Variants in BCAS3 observed in about 807,000 individuals in gnomAD.
The protein encoded by BCAS3 is BCAS3 microtubule associated cell migration factor.
In BCAS3, 53 loss-of-function variants were observed where a neutral mutation model predicts 116.1. That is an observed-to-expected ratio of 0.46 (90% CI 0.37 to 0.57). BCAS3 has a LOEUF of 0.57. Among genes scored for constraint, BCAS3 ranks in the 20% least tolerant of loss-of-function variants. The pLI is 0.00. For synonymous variants in BCAS3, 391 were observed against 408.2 expected, an observed-to-expected ratio of 0.96 and a Z score of 0.51; for missense variants, 917 against 1,165.4, an observed-to-expected ratio of 0.79 and a Z score of 3.10.
chr17:60,932,742 C>CAAAAAAAAAAAAAA (rs1167994825), intron 13 of BCAS3, among the ~76,000 whole-genome samples: 1 of 38,204 alleles, frequency 2.6e-5, no homozygotes, highest in Non-Finnish European at 6.3e-5. Context: ...ACTCTTGTCT[C>CAAAAAAAAAAAAAA]AAAAAAAAAA....
At chr17:61,010,508 A>C (rs1331298065) in intron 15 of BCAS3, among the ~76,000 whole-genome samples, 1 of 151,882 alleles carries the variant, frequency 6.6e-6, no homozygotes, top group African/African-American at 2.4e-5. Context: ...TTTAAATTGC[A>C]AACTTTTAGA....
At chr17:61,318,616 C>G (rs769730748) in intron 22 of BCAS3, among the ~76,000 whole-genome samples, 4 of 152,322 alleles carry the variant, frequency 2.6e-5, no homozygotes, top group African/African-American at 9.6e-5. Context: ...TTTCTCCCCA[C>G]CCTGCAGTGA....
At position 61,388,638 on chromosome 17, in the gene BCAS3, AAAC is replaced by A. The variant is rs779158863; in HGVS notation, c.2594-3336_2594-3334del. 2.0e-5 allele frequency: 30 copies of A among 1,537,522 alleles called. No homozygotes were observed. The African/African-American group carries it at 4.0e-4, about 20-fold the overall frequency. On this transcript the variant is annotated intron_variant, in intron 23 of 23. Transcript: ENST00000407086. This position sits in a 1 kb window ranked among gnomAD's most constrained non-coding sequence, Gnocchi z 6.5. ...AAAAGGGAAAAAAAAAGGAAAAAAA[AAAC>A]AATGCCAACAGCCCAGCGTCCGTGA...
At chr17:60,925,766 A>G (rs774062737) in intron 13 of BCAS3, among the ~76,000 whole-genome samples, 3 of 152,054 alleles carry the variant, frequency 2.0e-5, no homozygotes, top group Non-Finnish European at 2.9e-5. Flanking sequence ...AGTTGGTGTA[A>G]TACTTCCAGT....
chr17:60,877,173 GATATAT>G (rs10538503), intron 9 of BCAS3, among the ~76,000 whole-genome samples: 3 of 147,370 alleles, frequency 2.0e-5, no homozygotes, highest in Non-Finnish European at 4.5e-5. Context: ...TTTAAGAAAT[GATATAT>G]ATATATATAT....
chr17:60,690,617 AT>A (rs2034681421), intron 4 of BCAS3, among the ~76,000 whole-genome samples: 1 of 150,306 alleles, frequency 6.7e-6, no homozygotes, highest in South Asian at 2.1e-4. Flanking sequence ...ATAAAAAAAA[AT>A]CATTTATAAA....
In BCAS3 at chr17:61,380,241, C is replaced by G. The variant is rs971730933; in HGVS notation, c.2594-11736C>G. 1 of 507,164 alleles carries G rather than the reference C, an allele frequency of 2.0e-6. No individual in the cohort carries two copies. Among genetic ancestry groups the G allele is most frequent in the African/African-American group, 1.9e-5 (1 of 51,824 alleles). The allele number at this position is 507,164 out of a possible 1,614,324, so 31.4% of individuals were successfully genotyped here. A position where few individuals can be genotyped will look rare whatever the true frequency, so the allele number is the denominator to read the frequency against. On this transcript the variant is annotated intron_variant, in intron 23 of 23. Coordinates refer to ENST00000407086, the MANE Select transcript of BCAS3 (RefSeq NM_017679.5). This position sits in a 1 kb window ranked among gnomAD's most constrained non-coding sequence, Gnocchi z 4.2. Reference sequence around the variant, plus strand: ...TCTCTACATCATTCCCTACCCCAGCCCTGTGCAGCAGGCAGGAGTGTAGGA... The same window carrying G: ...TCTCTACATCATTCCCTACCCCAGCGCTGTGCAGCAGGCAGGAGTGTAGGA...
chr17:60,718,886 G>A (rs1046591532), intron 5 of BCAS3, among the ~76,000 whole-genome samples: 2 of 151,832 alleles, frequency 1.3e-5, no homozygotes, highest in Admixed American at 6.6e-5. Flanking sequence ...ATGGTGAAAC[G>A]CAGTCTCTAC....
intron 5 of BCAS3, among the ~76,000 whole-genome samples, chr17:60,739,315 A>G (rs1320524685): frequency 1.3e-5 from 2 of 152,220 alleles, no homozygotes; most frequent in Admixed American, 6.5e-5. Flanking sequence ...CTGTAAAAAA[A>G]TCAGTAAGAA....
intron 22 of BCAS3, among the ~76,000 whole-genome samples, chr17:61,163,507 T>C (rs1748310095): frequency 6.6e-6 from 1 of 151,978 alleles, no homozygotes; most frequent in African/African-American, 2.4e-5. Flanking sequence ...GATGGGATGG[T>C]TTCTATTCTC....
Position 60,947,249 on chromosome 17 carries a change from G to A in BCAS3, c.1118G>A (p.Gly373Asp). ...GMLLVTTDTLGHDFHVFQILT... is the reference protein window; with the variant it reads ...GMLLVTTDTLDHDFHVFQILT... Reference sequence around the variant, plus strand: ...CTTCTAGTCACAACAGACACCCTTGGCCATGACTTTCATGTCTTCCAAATT... The same window carrying A: ...CTTCTAGTCACAACAGACACCCTTGACCATGACTTTCATGTCTTCCAAATT... The change falls in exon 14 of 24, where the codon GGC (glycine) becomes GAC (aspartate). Residue 373 changes from glycine (G) to aspartate (D), a missense_variant. Physicochemically the swap from Gly to Asp is moderately conservative, Grantham distance 94. Around this residue, in one of 3 missense-constraint regions of BCAS3, gnomAD observed 807 missense variants for 1,026.0 expected, o/e 0.79. Transcript: ENST00000407086. 6.2e-7 allele frequency: 1 copy of A among 1,612,802 alleles called. No individual in the cohort carries two copies. The highest frequency in any genetic ancestry group is 8.5e-7 in the Non-Finnish European group (1 of 1,179,172).
At chr17:60,817,855 A>AAT (rs2049572427) in intron 7 of BCAS3, among the ~76,000 whole-genome samples, 1 of 143,360 alleles carries the variant, frequency 7.0e-6, no homozygotes, top group South Asian at 2.2e-4. Flanking sequence ...AAGCAAAATA[A>AAT]TTTTTTTTTT....
intron 5 of BCAS3, among the ~76,000 whole-genome samples, chr17:60,724,543 G>T (rs1417874929): frequency 6.6e-6 from 1 of 151,440 alleles, no homozygotes; most frequent in African/African-American, 2.4e-5. Context: ...TGGCCAACAC[G>T]GTGAAACCCC....
chr17:61,009,571 A>G lies in BCAS3; in HGVS notation c.1487-6180A>G, dbSNP rs868686942. ...CTGATTTTATGTCCTTTGGTTCACAATATGGTAAGATATGGAAATTTTTTA... is the reference window on the plus strand; with the variant it reads ...CTGATTTTATGTCCTTTGGTTCACAGTATGGTAAGATATGGAAATTTTTTA... On this transcript the variant is annotated intron_variant, in intron 15 of 23. Transcript: ENST00000407086. Among the ~76,000 whole-genome samples, 5 of 152,060 alleles carry G rather than the reference A, an allele frequency of 3.3e-5. No individual in the cohort carries two copies. In the East Asian group the frequency reaches 5.8e-4, roughly 18 times the overall value.
At chr17:60,921,612 C>CAAAAA (rs755864096) in intron 12 of BCAS3, among the ~76,000 whole-genome samples, 5 of 33,314 alleles carry the variant, frequency 1.5e-4, no homozygotes, top group Admixed American at 2.7e-4. Flanking sequence ...GACTCCGTCT[C>CAAAAA]AAAAAAAAAA....
At chr17:61,152,365 C>T (rs770741663) in intron 22 of BCAS3, among the ~76,000 whole-genome samples, 6 of 152,062 alleles carry the variant, frequency 3.9e-5, no homozygotes, top group Non-Finnish European at 7.4e-5. Context: ...GTGCATTTTA[C>T]AGAGTGCTGA....
intron 19 of BCAS3, among the ~76,000 whole-genome samples, chr17:61,060,832 T>C (rs1242602683): frequency 6.6e-6 from 1 of 152,208 alleles, no homozygotes. Flanking sequence ...CATCTGATTA[T>C]AAAGACTTTT....
intron 22 of BCAS3, among the ~76,000 whole-genome samples, chr17:61,305,928 G>A (rs1182973073): frequency 6.6e-6 from 1 of 152,146 alleles, no homozygotes; most frequent in African/African-American, 2.4e-5. Context: ...ATTTGTTGTT[G>A]TTTCCCCTGT....
At position 60,882,299 on chromosome 17, in the gene BCAS3, T is replaced by A. The variant is rs1262111758; in HGVS notation, c.662-7396T>A. ...TTTTTGATGGGGTTGTTTGTTTTTT[T>A]CTTGTAAATTTGTTTGAGTTCATTG... On this transcript the variant is annotated intron_variant, in intron 9 of 23. Coordinates refer to ENST00000407086, the MANE Select transcript of BCAS3 (RefSeq NM_017679.5). 2.0e-5 allele frequency among the ~76,000 whole-genome samples: 3 copies of A among 150,410 alleles called. No homozygotes were observed. The East Asian group carries it at 5.8e-4, about 29-fold the overall frequency.
Sources: allele counts gnomAD v4.1 joint callset (sites outside exome capture counted in the v4.1 genomes callset), GRCh38; gene constraint gnomAD v4.1.1; regional missense constraint gnomAD v4.1.1; non-coding constraint Gnocchi (gnomAD v3.1); transcripts MANE v1.5; gene names NCBI Gene and HGNC (gene_info 2026-07-23, HGNC 2026-07-21).